Variants in CEP19 observed in about 807,000 individuals in gnomAD.
The protein encoded by CEP19 is centrosomal protein 19.
A neutral mutation model predicts 17.5 loss-of-function variants in CEP19; 14 were observed. The observed-to-expected ratio is 0.80, with a 90% CI of 0.53 to 1.25. The LOEUF (loss-of-function observed/expected upper bound fraction) is 1.25, where lower values mean the gene tolerates loss of function less well. Ranked by LOEUF, CEP19 falls within the 50% of genes most tolerant of loss-of-function variation. CEP19 has a pLI of 0.00. For synonymous variants in CEP19, 59 were observed against 65.5 expected, an observed-to-expected ratio of 0.90 and a Z score of 0.48; for missense variants, 193 against 192.0, an observed-to-expected ratio of 1.01 and a Z score of -0.03.
chr3:196,708,236 G>C (rs1711598798), intron 2 of CEP19, among the ~76,000 whole-genome samples: 1 of 152,208 alleles, frequency 6.6e-6, no homozygotes, highest in African/African-American at 2.4e-5. Context: ...GATAGCAGTA[G>C]TGGTATTAAT....
intron 1 of CEP19, among the ~76,000 whole-genome samples, chr3:196,711,708 G>C (rs1047626360): frequency 3.3e-5 from 5 of 152,156 alleles, no homozygotes; most frequent in African/African-American, 1.2e-4. Flanking sequence ...CCGCCTGGAT[G>C]CTCTCTTGGC....
chr3:196,709,597 CTACATCATA>C (rs1711672341), intron 1 of CEP19, among the ~76,000 whole-genome samples: 1 of 152,196 alleles, frequency 6.6e-6, no homozygotes, highest in Non-Finnish European at 1.5e-5. Flanking sequence ...ACGTCTGCAG[CTACATCATA>C]TACATCACAT....
intron 2 of CEP19, among the ~76,000 whole-genome samples, chr3:196,708,187 A>C (rs549577715): frequency 1.3e-5 from 2 of 152,348 alleles, no homozygotes; most frequent in African/African-American, 4.8e-5. Context: ...TTTCAACTGG[A>C]GAATATGTCT....
Position 196,712,141 on chromosome 3 carries a change from G to A in CEP19, c.-283C>T. On this transcript the variant is annotated 5_prime_UTR_variant, in exon 1 of 3. Coordinates refer to ENST00000409690, the MANE Select transcript of CEP19 (RefSeq NM_032898.5). ...CGGGAGGCCCGAACCCTCAAACACC[G>A]GGAAGCGGAGGTGGGGGCCGGCTGG... The A allele has an allele frequency of 1.7e-6, 1 of 581,204 alleles. No individual in the cohort carries two copies. Among genetic ancestry groups the A allele is most frequent in the East Asian group, 2.8e-5 (1 of 35,230 alleles). The allele number at this position is 581,204 out of a possible 1,614,324, so 36.0% of individuals were successfully genotyped here.
chr3:196,709,209 A>T (rs1250622947), intron 1 of CEP19, among the ~76,000 whole-genome samples: 2 of 152,156 alleles, frequency 1.3e-5, no homozygotes, highest in Non-Finnish European at 2.9e-5. Flanking sequence ...AAGAAAGGGC[A>T]TATCGAGCAT....
In CEP19 at chr3:196,707,853, G is replaced by T; in HGVS notation, c.190C>A (p.Gln64Lys). The change falls in exon 3 of 3, where the codon CAA (glutamine) becomes AAA (lysine). Residue 64 changes from glutamine to lysine, a missense_variant. Transcript: ENST00000409690. ...NNPRHKSYLE[Q>K]VSLRQLEKLF... The stretch of plus-strand genomic sequence containing the variant: ...TTCTCTAGCTGCCTCAGGGATACTT[G>T]TTCTAGGTAACTCTTGTGTCGCGGA... 1 of 1,613,960 alleles carries T rather than the reference G, an allele frequency of 6.2e-7. No individual in the cohort carries two copies. Among genetic ancestry groups the T allele is most frequent in the Non-Finnish European group, 8.5e-7 (1 of 1,180,014 alleles).
rs1711528645 is a variant in CEP19 at position 196,706,714 on chromosome 3, C to G, written c.*837G>C. 6.6e-6 allele frequency: 1 copy of G among 152,048 alleles called. No homozygotes were observed. The highest frequency in any genetic ancestry group is 1.5e-5 in the Non-Finnish European group (1 of 68,014). The allele number at this position is 152,048 out of a possible 1,614,324, so 9.4% of individuals were successfully genotyped here. On this transcript the variant is annotated 3_prime_UTR_variant, in exon 3 of 3. Transcript: ENST00000409690. ...TATATGTCCCCCAATCTTGTCTTGT[C>G]AAACTATAATTTGCTTATGGTTCCT...
At position 196,706,851 on chromosome 3, in the gene CEP19, C is replaced by G. The variant is rs1265749963; in HGVS notation, c.*700G>C. Reference sequence around the variant, plus strand: ...ACCTAAACACTACTATTTCAAGGGCCAGGCCACCTCCTATCTCTTTACTAA... The same window carrying G: ...ACCTAAACACTACTATTTCAAGGGCGAGGCCACCTCCTATCTCTTTACTAA... On this transcript the variant is annotated 3_prime_UTR_variant, in exon 3 of 3. Coordinates refer to ENST00000409690, the MANE Select transcript of CEP19 (RefSeq NM_032898.5). The G allele has an allele frequency of 6.6e-6, 1 of 152,120 alleles. No individual in the cohort carries two copies. The highest frequency in any genetic ancestry group is 1.9e-4 in the East Asian group (1 of 5,200). The allele number at this position is 152,120 out of a possible 1,614,324, so 9.4% of individuals were successfully genotyped here.
intron 1 of CEP19, among the ~76,000 whole-genome samples, chr3:196,709,973 T>C (rs1380173548): frequency 2.0e-5 from 3 of 152,332 alleles, no homozygotes; most frequent in Middle Eastern, 3.4e-3. Context: ...TGTAGAATAC[T>C]GGGGGCAAAG....
chr3:196,708,817 G>T, intron 1 of CEP19, 90 bp from the exon 2 acceptor site: 1 of 670,112 alleles, frequency 1.5e-6, no homozygotes, highest in Non-Finnish European at 2.5e-6. Flanking sequence ...GTCCGGCTCT[G>T]GCCACACACG....
rs1453500872 is a variant in CEP19, at chr3:196,710,730, C to T, written c.-71+1199G>A. ...GGCAGCATGCACCTGTAGTCCCAGC[C>T]ACACCAAAGGCCAAGGTGGGAGAAT... On this transcript the variant is annotated intron_variant, in intron 1 of 2. Transcript: ENST00000409690. 7.9e-5 allele frequency among the ~76,000 whole-genome samples: 12 copies of T among 151,480 alleles called. 1 individual carries two copies. The highest frequency in any genetic ancestry group is 5.3e-4 in the Admixed American group (8 of 15,162).
Position 196,712,194 on chromosome 3 carries a change from G to A in CEP19, c.-336C>T, listed in dbSNP as rs1161760360. On this transcript the variant is annotated 5_prime_UTR_variant, in exon 1 of 3. Coordinates refer to ENST00000409690, the MANE Select transcript of CEP19 (RefSeq NM_032898.5). ...GACCGGTCCACCGGCTCCCACCTCG[G>A]CGTACAGGGATTCCAGGTCCCGGCG... 25 of 560,480 alleles carry A rather than the reference G, an allele frequency of 4.5e-5. No individual in the cohort carries two copies. In the East Asian group the frequency reaches 6.7e-4, roughly 15 times the overall value. The allele number at this position is 560,480 out of a possible 1,614,324, so 34.7% of individuals were successfully genotyped here.
At chr3:196,710,081 C>T (rs1262278171) in intron 1 of CEP19, among the ~76,000 whole-genome samples, 2 of 152,178 alleles carry the variant, frequency 1.3e-5, no homozygotes, top group Non-Finnish European at 2.9e-5. Flanking sequence ...CCTTATCATA[C>T]AAGCTATTTC....
intron 1 of CEP19, 43 bp downstream of exon 1, chr3:196,711,886 C>T: frequency 1.4e-6 from 1 of 717,426 alleles, no homozygotes. Flanking sequence ...AGACGATTCT[C>T]TCCCTACTCA....
At position 196,710,635 on chromosome 3, in the gene CEP19, T is replaced by G. The variant is rs575230552; in HGVS notation, c.-71+1294A>C. Among the ~76,000 whole-genome samples the G allele has an allele frequency of 9.9e-5, 15 of 151,702 alleles. 1 individual carries two copies. The South Asian group carries it at 2.1e-3, about 21-fold the overall frequency. On this transcript the variant is annotated intron_variant, in intron 1 of 2. Coordinates refer to ENST00000409690, the MANE Select transcript of CEP19 (RefSeq NM_032898.5). ...AGGAGATACCTTGAGGCCAGGAGTTTGAGACCAGCCTGGGCAACACAGCGA... is the reference window on the plus strand; with the variant it reads ...AGGAGATACCTTGAGGCCAGGAGTTGGAGACCAGCCTGGGCAACACAGCGA...
rs1250198636 is a variant in CEP19 at position 196,708,408 on chromosome 3, G to A, written c.130+120C>T. On this transcript the variant is annotated intron_variant, in intron 2 of 2. Transcript: ENST00000409690. ...ATTCCCTTTTATAGATTAGGAAACT[G>A]AAGCTCACTGAGAGTAAGTAATTCA... 14 of 870,524 alleles carry A rather than the reference G, an allele frequency of 1.6e-5. No homozygotes were observed. In the South Asian group the frequency reaches 1.7e-4, roughly 11 times the overall value. 53.9% of individuals were successfully genotyped at this position (870,524 alleles called of 1,614,324 possible).
At position 196,706,938 on chromosome 3, in the gene CEP19, CT is replaced by C. The variant is rs1264086178; in HGVS notation, c.*612del. The C allele has an allele frequency of 6.6e-6, 1 of 151,760 alleles. No homozygotes were observed. The highest frequency in any genetic ancestry group is 1.5e-5 in the Non-Finnish European group (1 of 68,082). 9.4% of individuals were successfully genotyped at this position (151,760 alleles called of 1,614,324 possible). A position where few individuals can be genotyped will look rare whatever the true frequency, so the allele number is the denominator to read the frequency against. On this transcript the variant is annotated 3_prime_UTR_variant, in exon 3 of 3. Coordinates refer to ENST00000409690, the MANE Select transcript of CEP19 (RefSeq NM_032898.5). The stretch of plus-strand genomic sequence containing the variant: ...AATATATGCTCTGGCCTTCTTTAGC[CT>C]TTATCATGCATTTGGCACTAATGTT...
chr3:196,711,872 G>A (rs771982654), intron 1 of CEP19, 57 bp downstream of exon 1: 13 of 717,100 alleles, frequency 1.8e-5, no homozygotes, highest in African/African-American at 8.7e-5. Context: ...TGTCCCCAAA[G>A]AGTAGACGAT....
chr3:196,708,798 C>G, intron 1 of CEP19, 71 bp from the exon 2 acceptor site: 1 of 839,736 alleles, frequency 1.2e-6, no homozygotes, highest in African/African-American at 1.7e-5. Flanking sequence ...CCCAGAAGAT[C>G]TGGTTCTAGT....
Sources: allele counts gnomAD v4.1 joint callset (sites outside exome capture counted in the v4.1 genomes callset), GRCh38; gene constraint gnomAD v4.1.1; transcripts MANE v1.5; gene names NCBI Gene and HGNC (gene_info 2026-07-23, HGNC 2026-07-21).